The following NRXN1 variants were observed in gnomAD, a reference collection of about 807,000 sequenced individuals.
The protein encoded by NRXN1 is neurexin 1, also known as neurexin-1.
NRXN1 carries 39 observed loss-of-function variants against 150.9 expected under a neutral mutation model. The ratio of observed to expected loss-of-function variants is 0.26; its 90% CI spans 0.20 to 0.34. The LOEUF (loss-of-function observed/expected upper bound fraction) is 0.34, where lower values mean the gene tolerates loss of function less well. NRXN1 is among the 10% of genes least tolerant of loss of function. NRXN1 has a pLI of 1.00. For missense variants in NRXN1, 1,815 were observed against 1,949.9 expected, an observed-to-expected ratio of 0.93 and a Z score of 1.30; for synonymous variants, 924 against 757.0, an observed-to-expected ratio of 1.22 and a Z score of -3.62.
At chr2:50,115,531 T>C (rs1372663731) in intron 18 of NRXN1, among the ~76,000 whole-genome samples, 1 of 151,962 alleles carries the variant, frequency 6.6e-6, no homozygotes, top group Non-Finnish European at 1.5e-5. Flanking sequence ...CTTATTATGG[T>C]GAATAACTTC....
intron 5 of NRXN1, among the ~76,000 whole-genome samples, chr2:50,668,567 A>G (rs184024114): frequency 1.3e-5 from 2 of 152,098 alleles, no homozygotes; most frequent in African/African-American, 2.4e-5. Flanking sequence ...TTTGCTTTAA[A>G]CTGGACAGTT....
intron 21 of NRXN1, among the ~76,000 whole-genome samples, chr2:50,032,651 A>C (rs1689354489): frequency 6.6e-6 from 1 of 151,984 alleles, no homozygotes; most frequent in African/African-American, 2.4e-5. Context: ...GAAGAGAGGA[A>C]CTTTAGGAGG....
At chr2:50,986,629 A>G (rs369949051) in intron 2 of NRXN1, among the ~76,000 whole-genome samples, 3 of 151,736 alleles carry the variant, frequency 2.0e-5, no homozygotes, top group Non-Finnish European at 3.0e-5. Flanking sequence ...TTCCACTCAT[A>G]TATCGATTTT....
chr2:49,961,923 C>A (rs1352436018), intron 21 of NRXN1, among the ~76,000 whole-genome samples: 1 of 152,060 alleles, frequency 6.6e-6, no homozygotes, highest in African/African-American at 2.4e-5. Flanking sequence ...TAAAGGGAAA[C>A]TGTAAGGGAA....
intron 18 of NRXN1, among the ~76,000 whole-genome samples, chr2:50,220,320 T>C (rs1277453648): frequency 6.6e-6 from 1 of 151,868 alleles, no homozygotes; most frequent in African/African-American, 2.4e-5. Flanking sequence ...AGACAGAGTG[T>C]GCATAATAAC....
chr2:50,527,001 T>C (rs920611736), intron 12 of NRXN1, among the ~76,000 whole-genome samples: 1 of 152,174 alleles, frequency 6.6e-6, no homozygotes, highest in Non-Finnish European at 1.5e-5. Context: ...AAAAAATCAT[T>C]GATATAGCCA....
At chr2:50,625,602 AACATGGCAAGTGGTTCAATATT>A (rs1190773493) in intron 5 of NRXN1, among the ~76,000 whole-genome samples, 1 of 152,128 alleles carries the variant, frequency 6.6e-6, no homozygotes, top group Non-Finnish European at 1.5e-5. Flanking sequence ...TGGTCAGTCC[AACATGGCAAGTGGTTCAATATT>A]GGGCACAAGT....
chr2:50,996,005 A>G (rs1699229388), intron 2 of NRXN1, among the ~76,000 whole-genome samples: 2 of 152,078 alleles, frequency 1.3e-5, no homozygotes, highest in African/African-American at 2.4e-5. Context: ...ATGTTGGTCA[A>G]TGAGGATATT....
At chr2:50,689,593 C>T (rs1691752325) in intron 5 of NRXN1, among the ~76,000 whole-genome samples, 1 of 152,102 alleles carries the variant, frequency 6.6e-6, no homozygotes, top group Admixed American at 6.5e-5. Flanking sequence ...AGCATGGTTG[C>T]TTGGTCTTGC....
At chr2:50,010,546 G>C (rs960488813) in intron 21 of NRXN1, among the ~76,000 whole-genome samples, 5 of 152,082 alleles carry the variant, frequency 3.3e-5, no homozygotes, top group African/African-American at 1.2e-4. Flanking sequence ...TGACCAATGA[G>C]CTGATAATGT....
intron 17 of NRXN1, among the ~76,000 whole-genome samples, chr2:50,237,921 T>C (rs998033252): frequency 1.2e-4 from 18 of 151,982 alleles, no homozygotes; most frequent in African/African-American, 2.2e-4. Flanking sequence ...TAGTGAGTTC[T>C]AACAAGATCT....
At chr2:50,184,807 T>C (rs1241119107) in intron 18 of NRXN1, among the ~76,000 whole-genome samples, 1 of 152,070 alleles carries the variant, frequency 6.6e-6, no homozygotes, top group Non-Finnish European at 1.5e-5. Context: ...TAACTCCTGA[T>C]GACCCTATAA....
chr2:50,955,118 A>G (rs1443405447), intron 2 of NRXN1, among the ~76,000 whole-genome samples: 4 of 152,186 alleles, frequency 2.6e-5, no homozygotes, highest in African/African-American at 7.2e-5. Flanking sequence ...AAACTCTTAC[A>G]TAATTGTCTG....
rs569397818 is a variant in NRXN1 at position 49,941,056 on chromosome 2, G to A, written c.4216+2648C>T. Among the ~76,000 whole-genome samples, 4 of 152,084 alleles carry A rather than the reference G, an allele frequency of 2.6e-5. No individual in the cohort carries two copies. The South Asian group carries it at 6.2e-4, about 24-fold the overall frequency. On this transcript the variant is annotated intron_variant, in intron 22 of 22. Transcript: ENST00000401669. ...GGTGTGTTTTGTATTTTGGGTAACAGACTTTGGTGCAGTAGAACAGAACTA... is the reference window on the plus strand; with the variant it reads ...GGTGTGTTTTGTATTTTGGGTAACAAACTTTGGTGCAGTAGAACAGAACTA...
intron 19 of NRXN1, among the ~76,000 whole-genome samples, chr2:50,073,587 G>C (rs1299804791): frequency 6.6e-6 from 1 of 152,138 alleles, no homozygotes. Context: ...AGTCACAGTA[G>C]TGCTCACTTT....
intron 8 of NRXN1, among the ~76,000 whole-genome samples, chr2:50,596,284 C>T (rs1675183930): frequency 6.6e-6 from 1 of 151,000 alleles, no homozygotes; most frequent in South Asian, 2.1e-4. Flanking sequence ...CTTCCACTAC[C>T]TTTTCTCAGA....
chr2:50,035,152 A>G (rs907300606), intron 21 of NRXN1, among the ~76,000 whole-genome samples: 2 of 152,146 alleles, frequency 1.3e-5, no homozygotes, highest in Non-Finnish European at 1.5e-5. Context: ...GAGGCTAGAT[A>G]TGGGGACATC....
intron 17 of NRXN1, among the ~76,000 whole-genome samples, chr2:50,320,307 T>C (rs1333699577): frequency 9.8e-5 from 12 of 122,986 alleles, no homozygotes; most frequent in Admixed American, 5.5e-4. Flanking sequence ...TATATATATA[T>C]ATATATATAT....
chr2:50,352,681 C>A (rs1239022143), intron 17 of NRXN1, among the ~76,000 whole-genome samples: 1 of 150,562 alleles, frequency 6.6e-6, no homozygotes, highest in Non-Finnish European at 1.5e-5. Context: ...AAGCTAAACC[C>A]CTGATCCTGT....
Sources: allele counts gnomAD v4.1 joint callset (sites outside exome capture counted in the v4.1 genomes callset), GRCh38; gene constraint gnomAD v4.1.1; transcripts MANE v1.5; gene names NCBI Gene and HGNC (gene_info 2026-07-23, HGNC 2026-07-21).